The following GREB1L variants were observed in gnomAD, a reference collection of about 807,000 sequenced individuals.
The protein encoded by GREB1L is GREB1-like protein.
In GREB1L, 17 loss-of-function variants were observed where a neutral mutation model predicts 200.8. The observed-to-expected ratio is 0.08, with a 90% CI of 0.06 to 0.13. The LOEUF (loss-of-function observed/expected upper bound fraction) is 0.13, where lower values mean the gene tolerates loss of function less well. Ranked by LOEUF, GREB1L falls within the 10% of genes least tolerant of loss-of-function variation. GREB1L has a pLI of 1.00. For synonymous variants in GREB1L, 789 were observed against 893.0 expected (o/e 0.88, Z 2.08); for missense variants, 1,657 against 2,367.7 (o/e 0.70, Z 6.23).
intron 1 of GREB1L, among the ~76,000 whole-genome samples, chr18:21,337,927 C>T (rs1488471661): frequency 6.6e-6 from 1 of 151,870 alleles, no homozygotes; most frequent in East Asian, 1.9e-4. Flanking sequence ...GCGGAGCTTG[C>T]AGTGAGCCGA....
intron 1 of GREB1L, among the ~76,000 whole-genome samples, chr18:21,346,306 C>T (rs768581188): frequency 3.3e-5 from 5 of 152,102 alleles, no homozygotes; most frequent in Non-Finnish European, 7.3e-5. Context: ...TTTCTAAACA[C>T]TCTCCCTGCA....
intron 1 of GREB1L, among the ~76,000 whole-genome samples, chr18:21,353,375 GTTA>G (rs2039462311): frequency 6.6e-6 from 1 of 152,030 alleles, no homozygotes; most frequent in Non-Finnish European, 1.5e-5. Flanking sequence ...AGCTATTACT[GTTA>G]CTAGAATATG....
At chr18:21,262,686 A>G (rs1007847797) in intron 1 of GREB1L, among the ~76,000 whole-genome samples, 7 of 152,136 alleles carry the variant, frequency 4.6e-5, no homozygotes, top group Admixed American at 3.3e-4. Flanking sequence ...TTGTCATTGT[A>G]ATTGTACAAA....
chr18:21,244,338 C>T lies in GREB1L; in HGVS notation c.-120+1945C>T, dbSNP rs117325330. Among the ~76,000 whole-genome samples the T allele has an allele frequency of 1.4e-3, 220 of 152,132 alleles. 3 individuals are homozygous for T. In the East Asian group the frequency reaches 0.039, roughly 27 times the overall value. On this transcript the variant is annotated intron_variant, in intron 1 of 32. Transcript: ENST00000424526. Reference sequence around the variant, plus strand: ...TGTGTATCTGAAAACACTGAAAGGGCGTGTGTATACTCCCATTGACATGAC... The same window carrying T: ...TGTGTATCTGAAAACACTGAAAGGGTGTGTGTATACTCCCATTGACATGAC...
chr18:21,323,323 G>A (rs889026158), intron 1 of GREB1L, among the ~76,000 whole-genome samples: 1 of 151,922 alleles, frequency 6.6e-6, no homozygotes, highest in Non-Finnish European at 1.5e-5. Flanking sequence ...AATAATATAA[G>A]TTAAAGTCAG....
At chr18:21,514,165 A>G (rs371359109) in intron 28 of GREB1L, among the ~76,000 whole-genome samples, 179 bp downstream of exon 28, 3 of 152,212 alleles carry the variant, frequency 2.0e-5, no homozygotes, top group East Asian at 3.9e-4. Flanking sequence ...TTATTTAGAC[A>G]TTCAGTAGCC....
At chr18:21,337,454 G>A (rs1341222823) in intron 1 of GREB1L, among the ~76,000 whole-genome samples, 1 of 152,172 alleles carries the variant, frequency 6.6e-6, no homozygotes, top group Non-Finnish European at 1.5e-5. Context: ...GAGAGTGGAC[G>A]TGATACTCAT....
At chr18:21,297,054 G>A (rs16940745) in intron 1 of GREB1L, among the ~76,000 whole-genome samples, 8 of 152,056 alleles carry the variant, frequency 5.3e-5, no homozygotes, top group Non-Finnish European at 8.8e-5. Context: ...GTCTCTTTAC[G>A]TAGAATGTGG....
intron 1 of GREB1L, among the ~76,000 whole-genome samples, chr18:21,244,575 A>G (rs1202762334): frequency 6.6e-6 from 1 of 152,232 alleles, no homozygotes; most frequent in Non-Finnish European, 1.5e-5. Flanking sequence ...TACGATTAAA[A>G]TAGTTGTCCT....
At chr18:21,367,634 G>A (rs1444919503) in intron 2 of GREB1L, among the ~76,000 whole-genome samples, 1 of 152,130 alleles carries the variant, frequency 6.6e-6, no homozygotes, top group Non-Finnish European at 1.5e-5. Context: ...TTTAACTTAC[G>A]AGGAAAATGG....
chr18:21,279,086 T>A (rs2038223191), intron 1 of GREB1L, among the ~76,000 whole-genome samples: 1 of 152,104 alleles, frequency 6.6e-6, no homozygotes, highest in Non-Finnish European at 1.5e-5. Context: ...ATTAAAATCA[T>A]TCTAAAAATG....
At chr18:21,457,207 G>C (rs2145503803) in intron 15 of GREB1L, among the ~76,000 whole-genome samples, 1 of 151,868 alleles carries the variant, frequency 6.6e-6, no homozygotes, top group South Asian at 2.1e-4. Flanking sequence ...TTTTTCTAAA[G>C]TGTTTTAAGA....
At chr18:21,484,951 T>C (rs1350000952) in intron 17 of GREB1L, among the ~76,000 whole-genome samples, 1 of 152,122 alleles carries the variant, frequency 6.6e-6, no homozygotes, top group East Asian at 1.9e-4. Flanking sequence ...ATTCATGAAC[T>C]CAAAAAGCTT....
At chr18:21,380,306 G>A (rs1219576934) in intron 2 of GREB1L, 1 of 152,168 alleles carries the variant, frequency 6.6e-6, no homozygotes, top group African/African-American at 2.4e-5. Flanking sequence ...GGATTCCCAT[G>A]CATCATCTCC....
chr18:21,321,494 C>T (rs546112697), intron 1 of GREB1L, among the ~76,000 whole-genome samples: 2 of 151,410 alleles, frequency 1.3e-5, no homozygotes, highest in East Asian at 3.9e-4. Flanking sequence ...AGACCAGCCT[C>T]GCCAACATAG....
chr18:21,280,391 C>CTTTT (rs763825839), intron 1 of GREB1L, among the ~76,000 whole-genome samples: 1 of 139,142 alleles, frequency 7.2e-6, no homozygotes, highest in African/African-American at 2.6e-5. Context: ...TCCTTTCTTT[C>CTTTT]TTTTTTTTTT....
intron 1 of GREB1L, among the ~76,000 whole-genome samples, chr18:21,315,602 T>C (rs2038855318): frequency 6.6e-6 from 1 of 152,200 alleles, no homozygotes; most frequent in African/African-American, 2.4e-5. Flanking sequence ...CATAAAAATA[T>C]GTATCTGTTA....
At chr18:21,302,847 G>T (rs1312669618) in intron 1 of GREB1L, among the ~76,000 whole-genome samples, 1 of 152,060 alleles carries the variant, frequency 6.6e-6, no homozygotes, top group Admixed American at 6.5e-5. Flanking sequence ...TCAGCCTCAC[G>T]AGTAGCTGGG....
At position 21,444,275 on chromosome 18, in the gene GREB1L, G is replaced by A; in HGVS notation, c.1259G>A (p.Ser420Asn). 6.4e-7 allele frequency: 1 copy of A among 1,551,732 alleles called. No homozygotes were observed. Among genetic ancestry groups the A allele is most frequent in the East Asian group, 2.4e-5 (1 of 40,916 alleles). Residue 420 changes from serine to asparagine, a missense_variant, in exon 11 of 33, where the codon AGT becomes AAT. Physicochemically the swap from Ser to Asn is conservative, Grantham distance 46. Around this residue, in one of 9 missense-constraint regions of GREB1L, gnomAD observed 289 missense variants for 345.1 expected, o/e 0.84. Coordinates refer to ENST00000424526, the MANE Select transcript of GREB1L (RefSeq NM_001142966.3). ...FYGNVGDIVV[S>N]PLLVNCYKIP... ...GGAAATGTTGGTGACATTGTTGTGAGTCCTCTGCTGGTGAATTGCTACAAG... is the reference window on the plus strand; with the variant it reads ...GGAAATGTTGGTGACATTGTTGTGAATCCTCTGCTGGTGAATTGCTACAAG...
Sources: gnomAD v4.1 joint callset for allele counts (sites outside exome capture counted in the v4.1 genomes callset) on GRCh38, gnomAD v4.1.1 for gene constraint, gnomAD v4.1.1 regional missense constraint, MANE v1.5 for transcripts, NCBI Gene and HGNC (gene_info 2026-07-23, HGNC 2026-07-21) for gene names.